Variants in CFAP61 observed in about 807,000 individuals in gnomAD.
CFAP61 encodes cilia- and flagella-associated protein 61.
CFAP61 carries 107 observed loss-of-function variants against 135.6 expected under a neutral mutation model. The observed-to-expected ratio is 0.79, with a 90% CI of 0.67 to 0.93. The LOEUF (loss-of-function observed/expected upper bound fraction) is 0.93. CFAP61 is among the 40% of genes least tolerant of loss of function. The pLI, the probability that CFAP61 is intolerant of heterozygous loss-of-function variation, is 0.00. For missense variants in CFAP61, 1,507 were observed against 1,556.2 expected (o/e 0.97, Z 0.53); for synonymous variants, 575 against 578.5 (o/e 0.99, Z 0.09).
In CFAP61 at chr20:20,359,161, T is replaced by C. The variant is rs2059383272; in HGVS notation, c.3514-1049T>C. ...AAATCTCTACTACACTGTACCTATG[T>C]GCAGCATAAGATTCTCAGCTTCAAA... On this transcript the variant is annotated intron_variant, in intron 26 of 26. Coordinates refer to ENST00000245957, the MANE Select transcript of CFAP61 (RefSeq NM_015585.4). This position sits in a 1 kb window ranked among gnomAD's most constrained non-coding sequence, Gnocchi z 4.0. 6.6e-6 allele frequency among the ~76,000 whole-genome samples: 1 copy of C among 152,220 alleles called. No homozygotes were observed. Among genetic ancestry groups the C allele is most frequent in the South Asian group, 2.1e-4 (1 of 4,828 alleles).
chr20:20,123,479 A>G (rs918615000), intron 8 of CFAP61, among the ~76,000 whole-genome samples: 1 of 151,746 alleles, frequency 6.6e-6, no homozygotes, highest in Non-Finnish European at 1.5e-5. Flanking sequence ...GTGGCCAGGC[A>G]ATTATCCCAG....
chr20:20,102,806 G>A (rs1205692557), intron 8 of CFAP61, among the ~76,000 whole-genome samples: 1 of 152,016 alleles, frequency 6.6e-6, no homozygotes, highest in Non-Finnish European at 1.5e-5. Context: ...CTTCTCTCAA[G>A]ATCTGATCTT....
chr20:20,211,608 T>G (rs1345193760), intron 17 of CFAP61, among the ~76,000 whole-genome samples: 1 of 152,212 alleles, frequency 6.6e-6, no homozygotes, highest in Non-Finnish European at 1.5e-5. Flanking sequence ...TCAGCTACAG[T>G]GCAGGCAGGC....
chr20:20,090,036 G>A (rs1239901696), intron 6 of CFAP61, among the ~76,000 whole-genome samples: 2 of 152,200 alleles, frequency 1.3e-5, no homozygotes, highest in Non-Finnish European at 2.9e-5. Context: ...ACTGTTTTTA[G>A]GCATTGGAAT....
At chr20:20,167,839 G>A (rs533874175) in intron 12 of CFAP61, among the ~76,000 whole-genome samples, 2 of 152,300 alleles carry the variant, frequency 1.3e-5, no homozygotes, top group Admixed American at 6.5e-5. Flanking sequence ...TGCCTTCACA[G>A]GGTTCAAGAG....
intron 25 of CFAP61, among the ~76,000 whole-genome samples, chr20:20,324,033 C>A (rs1174053555): frequency 3.3e-5 from 5 of 152,104 alleles, no homozygotes; most frequent in Non-Finnish European, 5.9e-5. Flanking sequence ...TCATAATTAA[C>A]CCTGCAATAA....
At chr20:20,276,804 A>G (rs1202985116) in intron 21 of CFAP61, among the ~76,000 whole-genome samples, 1 of 152,260 alleles carries the variant, frequency 6.6e-6, no homozygotes, top group Non-Finnish European at 1.5e-5. Flanking sequence ...TCTGTAAGGA[A>G]GAACTAGTAT....
intron 25 of CFAP61, among the ~76,000 whole-genome samples, chr20:20,310,773 G>A (rs2056774972): frequency 6.6e-6 from 1 of 152,166 alleles, no homozygotes; most frequent in South Asian, 2.1e-4. Flanking sequence ...AGCAAAATGG[G>A]TACACTAAGC....
chr20:20,217,582 A>G (rs939639069), intron 17 of CFAP61, among the ~76,000 whole-genome samples: 2 of 152,228 alleles, frequency 1.3e-5, no homozygotes, highest in African/African-American at 4.8e-5. Context: ...TGCCACTGCT[A>G]TCGTTGTTCT....
At chr20:20,176,020 A>G (rs1183345321) in intron 13 of CFAP61, among the ~76,000 whole-genome samples, 1 of 152,090 alleles carries the variant, frequency 6.6e-6, no homozygotes, top group Non-Finnish European at 1.5e-5. Flanking sequence ...GAAAAAAACA[A>G]CCCCATTAAA....
At chr20:20,270,736 T>C (rs548039977) in intron 21 of CFAP61, among the ~76,000 whole-genome samples, 10 of 152,032 alleles carry the variant, frequency 6.6e-5, no homozygotes, top group African/African-American at 1.4e-4. Flanking sequence ...AGTGGCACAA[T>C]TGTGGCTCAT....
At chr20:20,053,635 A>G (rs2043958448) in intron 1 of CFAP61, among the ~76,000 whole-genome samples, 1 of 152,230 alleles carries the variant, frequency 6.6e-6, no homozygotes, top group African/African-American at 2.4e-5. Flanking sequence ...TACTTTCAAC[A>G]AAAGATTTAT....
intron 25 of CFAP61, among the ~76,000 whole-genome samples, chr20:20,340,410 G>C (rs74173362): frequency 0.19 from 28,125 of 152,022 alleles, 2,806 homozygotes; most frequent in African/African-American, 0.25. Flanking sequence ...TTAGGGCAGT[G>C]ACGCTCTTCT....
intron 9 of CFAP61, among the ~76,000 whole-genome samples, chr20:20,157,803 T>C (rs2053058173): frequency 1.3e-5 from 2 of 152,182 alleles, no homozygotes; most frequent in Admixed American, 1.3e-4. Flanking sequence ...CTTTTCTTTT[T>C]GAAAAGTACT....
At chr20:20,166,926 G>T (rs1192716106) in intron 12 of CFAP61, among the ~76,000 whole-genome samples, 1 of 152,158 alleles carries the variant, frequency 6.6e-6, no homozygotes, top group Non-Finnish European at 1.5e-5. Context: ...GGGCCTGCAG[G>T]CTAATATCCA....
chr20:20,152,742 GA>G (rs1369083071), intron 9 of CFAP61, among the ~76,000 whole-genome samples: 1 of 152,198 alleles, frequency 6.6e-6, no homozygotes, highest in Non-Finnish European at 1.5e-5. Context: ...CTAGACATAA[GA>G]AATGAGATAG....
intron 9 of CFAP61, among the ~76,000 whole-genome samples, chr20:20,145,323 A>T (rs1043611956): frequency 2.0e-5 from 3 of 152,166 alleles, no homozygotes; most frequent in African/African-American, 4.8e-5. Context: ...AATATCACCT[A>T]ATGACAGTCT....
intron 20 of CFAP61, among the ~76,000 whole-genome samples, chr20:20,255,208 C>T (rs551752473): frequency 4.3e-4 from 65 of 152,322 alleles, no homozygotes; most frequent in African/African-American, 1.4e-3. Context: ...TTGGCAAACA[C>T]ACTCTGGTTT....
At chr20:20,303,921 A>G (rs1471088283) in intron 25 of CFAP61, among the ~76,000 whole-genome samples, 1 of 151,958 alleles carries the variant, frequency 6.6e-6, no homozygotes, top group East Asian at 1.9e-4. Flanking sequence ...ACTTCCCCCT[A>G]TCTATTCTCA....
Sources: allele counts gnomAD v4.1 joint callset (sites outside exome capture counted in the v4.1 genomes callset), GRCh38; gene constraint gnomAD v4.1.1; non-coding constraint Gnocchi (gnomAD v3.1); transcripts MANE v1.5; gene names NCBI Gene and HGNC (gene_info 2026-07-23, HGNC 2026-07-21).